The following ARF4 variants were observed in gnomAD, a reference collection of about 807,000 sequenced individuals.
ARF4 encodes ADP-ribosylation factor 4.
Under a neutral mutation model 24.3 loss-of-function variants are expected in ARF4, and 5 were observed. The ratio of observed to expected loss-of-function variants is 0.21; its 90% CI spans 0.11 to 0.43. The LOEUF is 0.43. Ranked by LOEUF, ARF4 falls within the 20% of genes least tolerant of loss-of-function variation. ARF4 has a pLI of 1.00. For missense variants in ARF4, 107 were observed against 213.0 expected (o/e 0.50, Z 3.10); for synonymous variants, 62 against 73.5 (o/e 0.84, Z 0.80).
At position 57,588,994 on chromosome 3, in the gene ARF4, C is replaced by G. The variant is rs2070071323; in HGVS notation, c.68-4530G>C. Among the ~76,000 whole-genome samples the G allele has an allele frequency of 2.6e-5, 4 of 151,408 alleles. No homozygotes were observed. In the South Asian group the frequency reaches 8.3e-4, roughly 32 times the overall value. ...GCACATGCCTGTAATCCCAGCTACT[C>G]GGGAGGCTGAGGCAGGAGAATTGCT... On this transcript the variant is annotated intron_variant, in intron 1 of 5. Coordinates refer to ENST00000303436, the MANE Select transcript of ARF4 (RefSeq NM_001660.4).
chr3:57,574,363 TCAC>T (rs1381027506), intron 5 of ARF4, among the ~76,000 whole-genome samples: 12 of 151,942 alleles, frequency 7.9e-5, no homozygotes, highest in Non-Finnish European at 1.5e-4. Context: ...TTTATCTCCA[TCAC>T]TGAATCACTG....
chr3:57,580,697 A>G (rs2069959810), intron 3 of ARF4, among the ~76,000 whole-genome samples: 1 of 151,996 alleles, frequency 6.6e-6, no homozygotes, highest in Non-Finnish European at 1.5e-5. Context: ...CCCGGTCCTG[A>G]AACCTACCCT....
intron 1 of ARF4, among the ~76,000 whole-genome samples, chr3:57,590,930 T>G (rs1423573706): frequency 2.0e-5 from 3 of 152,220 alleles, no homozygotes; most frequent in Non-Finnish European, 4.4e-5. Flanking sequence ...AATTTAAAAT[T>G]GAATATTTAC....
At chr3:57,585,810 G>A (rs894086771) in intron 1 of ARF4, among the ~76,000 whole-genome samples, 1 of 151,788 alleles carries the variant, frequency 6.6e-6, no homozygotes, top group African/African-American at 2.4e-5. Flanking sequence ...TTACAGGTGC[G>A]TGCCACCACA....
chr3:57,595,041 C>T (rs1430728641), intron 1 of ARF4, among the ~76,000 whole-genome samples: 1 of 152,132 alleles, frequency 6.6e-6, no homozygotes, highest in Non-Finnish European at 1.5e-5. Context: ...AGTAATAAAA[C>T]ATTAAAAACA....
chr3:57,582,947 C>A (rs1027375247), intron 3 of ARF4, among the ~76,000 whole-genome samples: 3 of 152,084 alleles, frequency 2.0e-5, no homozygotes, highest in Admixed American at 6.5e-5. Context: ...CAATTTTGCC[C>A]CCAGGGGATA....
intron 1 of ARF4, among the ~76,000 whole-genome samples, chr3:57,589,472 C>A (rs1057196593): frequency 1.3e-5 from 2 of 152,156 alleles, no homozygotes; most frequent in Admixed American, 6.6e-5. Context: ...GTAATCCCAG[C>A]ACTTTGGGAG....
chr3:57,573,175 CTG>C (rs748845655), intron 5 of ARF4, among the ~76,000 whole-genome samples: 2 of 147,126 alleles, frequency 1.4e-5, no homozygotes, highest in Non-Finnish European at 3.0e-5. Flanking sequence ...GCACTCCAGC[CTG>C]GGTGACAGAG....
chr3:57,584,310 A>G (rs1163115200), intron 2 of ARF4, 74 bp downstream of exon 2: 23 of 1,286,080 alleles, frequency 1.8e-5, no homozygotes, highest in Non-Finnish European at 2.6e-5. Flanking sequence ...ACAAAAAGAC[A>G]ATCTCAAAAC....
At chr3:57,585,068 T>C (rs1366854989) in intron 1 of ARF4, among the ~76,000 whole-genome samples, 1 of 152,124 alleles carries the variant, frequency 6.6e-6, no homozygotes, top group East Asian at 1.9e-4. Context: ...TTCACCATGT[T>C]GGCCAGGCTG....
intron 1 of ARF4, chr3:57,596,833 C>A (rs1303955343): frequency 7.8e-6 from 4 of 513,100 alleles, no homozygotes; most frequent in East Asian, 3.5e-5. Context: ...GAGAAAAAGC[C>A]GAGTCCAGAA....
At chr3:57,573,344 CTG>C (rs879338062) in intron 5 of ARF4, among the ~76,000 whole-genome samples, 9 of 152,040 alleles carry the variant, frequency 5.9e-5, no homozygotes, top group South Asian at 2.1e-4. Flanking sequence ...TCTCTAGTAA[CTG>C]TGTGAAAGTA....
At chr3:57,589,282 A>C (rs2070076089) in intron 1 of ARF4, among the ~76,000 whole-genome samples, 1 of 151,558 alleles carries the variant, frequency 6.6e-6, no homozygotes, top group Admixed American at 6.6e-5. Context: ...ACAAACAAAA[A>C]TTAGGCAGGG....
At chr3:57,588,041 T>C (rs1257985497) in intron 1 of ARF4, among the ~76,000 whole-genome samples, 2 of 152,250 alleles carry the variant, frequency 1.3e-5, no homozygotes, top group Non-Finnish European at 2.9e-5. Flanking sequence ...TCATTTCTTA[T>C]GTATTTCCTT....
chr3:57,589,759 A>G (rs1294096365), intron 1 of ARF4, among the ~76,000 whole-genome samples: 1 of 151,624 alleles, frequency 6.6e-6, no homozygotes, highest in African/African-American at 2.4e-5. Flanking sequence ...ACCTTTGCCC[A>G]TAATTATGGC....
intron 3 of ARF4, 32 bp downstream of exon 3, chr3:57,583,866 G>C (rs1217125546): frequency 6.9e-7 from 1 of 1,451,984 alleles, no homozygotes; most frequent in Non-Finnish European, 9.6e-7. Context: ...AACCCACAAA[G>C]AAAAGTTATA....
At chr3:57,584,982 G>A (rs1373597814) in intron 1 of ARF4, among the ~76,000 whole-genome samples, 1 of 152,060 alleles carries the variant, frequency 6.6e-6, no homozygotes, top group Non-Finnish European at 1.5e-5. Context: ...TCCTGCCTCA[G>A]CCTCCCAAGT....
chr3:57,577,875 G>A (rs1575781506), intron 3 of ARF4, among the ~76,000 whole-genome samples: 2 of 151,850 alleles, frequency 1.3e-5, no homozygotes, highest in East Asian at 2.0e-4. Context: ...GCAACATGGC[G>A]AAAGGTCATC....
chr3:57,577,463 G>T, intron 3 of ARF4, 76 bp from the exon 4 acceptor site: 1 of 1,115,178 alleles, frequency 9.0e-7, no homozygotes, highest in Non-Finnish European at 1.4e-6. Context: ...GCAGCAAAAT[G>T]GTACCAATGG....
Sources: gnomAD v4.1 joint callset for allele counts (sites outside exome capture counted in the v4.1 genomes callset) on GRCh38, gnomAD v4.1.1 for gene constraint, MANE v1.5 for transcripts, NCBI Gene and HGNC (gene_info 2026-07-23, HGNC 2026-07-21) for gene names.